CHLSN: variants seen among roughly 807,000 people sequenced by gnomAD.
The protein encoded by CHLSN is cholesin.
the CHLSN span, among the ~76,000 whole-genome samples, chr7:1,020,115 A>G: frequency 6.6e-6 from 1 of 152,114 alleles, no homozygotes; most frequent in African/African-American, 2.4e-5. Flanking sequence ...GCTCTGCGGG[A>G]ACACGGGCAC....
At chr7:991,662 C>T in the CHLSN span, among the ~76,000 whole-genome samples, 9 of 152,348 alleles carry the variant, frequency 5.9e-5, no homozygotes, top group South Asian at 2.1e-4. Context: ...CCACTGTCTA[C>T]GCCTCATTTC....
chr7:980,355 C>T, the CHLSN span, among the ~76,000 whole-genome samples: 1 of 152,254 alleles, frequency 6.6e-6, no homozygotes, highest in African/African-American at 2.4e-5. Context: ...CCAATCAGGT[C>T]TGATCAGAAC....
the CHLSN span, among the ~76,000 whole-genome samples, chr7:1,121,587 G>A: frequency 2.0e-5 from 3 of 152,222 alleles, no homozygotes; most frequent in Non-Finnish European, 4.4e-5. Context: ...TCTACACGCC[G>A]GTTCAAGCCA....
At chr7:1,091,471 C>T in the CHLSN span, 37 of 467,982 alleles carry the variant, frequency 7.9e-5, no homozygotes, top group South Asian at 2.4e-4. Context: ...CAGGGACGCC[C>T]GCCGGACGAG....
the CHLSN span, among the ~76,000 whole-genome samples, chr7:1,015,817 C>T: frequency 6.6e-6 from 1 of 152,210 alleles, no homozygotes; most frequent in African/African-American, 2.4e-5. Context: ...AGCTCCTCAC[C>T]CACGGTGAAG....
the CHLSN span, among the ~76,000 whole-genome samples, chr7:1,068,262 T>C: frequency 6.6e-6 from 1 of 152,102 alleles, no homozygotes; most frequent in African/African-American, 2.4e-5. Context: ...GCCACACCCC[T>C]GGCACGGAGG....
At chr7:980,763 C>A in the CHLSN span, among the ~76,000 whole-genome samples, 4 of 148,946 alleles carry the variant, frequency 2.7e-5, no homozygotes, top group Admixed American at 2.0e-4. Context: ...TCTCAGCTCA[C>A]TGCAAGCTCC....
At chr7:996,208 C>G in the CHLSN span, among the ~76,000 whole-genome samples, 10 of 152,346 alleles carry the variant, frequency 6.6e-5, no homozygotes, top group South Asian at 2.1e-3. Context: ...GCCCCAGGCC[C>G]TCCCCACAAC....
the CHLSN span, among the ~76,000 whole-genome samples, chr7:1,098,592 C>T: frequency 3.9e-5 from 6 of 152,048 alleles, no homozygotes; most frequent in African/African-American, 7.2e-5. Context: ...GGAGCTGCCA[C>T]GCTCAGTGAG....
the CHLSN span, among the ~76,000 whole-genome samples, chr7:1,112,509 G>A: frequency 2.6e-5 from 4 of 152,148 alleles, no homozygotes; most frequent in Admixed American, 1.3e-4. Context: ...GAGCCTCCTC[G>A]GACAGGAACA....
the CHLSN span, among the ~76,000 whole-genome samples, chr7:1,105,805 T>C: frequency 1.7e-3 from 256 of 152,278 alleles, 5 homozygotes; most frequent in East Asian, 0.044. Context: ...TGTTTTCATG[T>C]TTTCTGTATT....
the CHLSN span, chr7:1,093,500 C>T: frequency 1.1e-5 from 5 of 470,416 alleles, no homozygotes; most frequent in African/African-American, 4.0e-5. Context: ...CAGCAGCGCT[C>T]GGCCCGGAGC....
At chr7:1,096,812 T>C in the CHLSN span, among the ~76,000 whole-genome samples, 1 of 152,078 alleles carries the variant, frequency 6.6e-6, no homozygotes, top group African/African-American at 2.4e-5. The surrounding 1 kb of genome is among the most constrained non-coding windows in gnomAD (Gnocchi z 4.6). Flanking sequence ...CACCTCCCAC[T>C]CAGTGAGAAG....
chr7:1,136,187 T>C, the CHLSN span, among the ~76,000 whole-genome samples: 1 of 108,864 alleles, frequency 9.2e-6, no homozygotes, highest in South Asian at 2.8e-4. Context: ...TACATAATTA[T>C]AAATATATAC....
the CHLSN span, among the ~76,000 whole-genome samples, chr7:1,108,920 G>A: frequency 2.2e-5 from 3 of 137,228 alleles, no homozygotes; most frequent in South Asian, 2.2e-4. Context: ...TTTTTGAGAC[G>A]GAGTCTCGCT....
the CHLSN span, among the ~76,000 whole-genome samples, chr7:1,019,211 AC>A: frequency 0.19 from 8,370 of 43,464 alleles, 650 homozygotes; most frequent in Non-Finnish European, 0.24. Flanking sequence ...AAAAAAAAAA[AC>A]GGGGGGGGGG....
At chr7:1,094,679 A>G in the CHLSN span, among the ~76,000 whole-genome samples, 1 of 151,350 alleles carries the variant, frequency 6.6e-6, no homozygotes, top group Non-Finnish European at 1.5e-5. Flanking sequence ...TGAGCCCAGG[A>G]AACTCTCTCT....
chr7:1,017,447 T>C, the CHLSN span, among the ~76,000 whole-genome samples: 1 of 152,064 alleles, frequency 6.6e-6, no homozygotes, highest in African/African-American at 2.4e-5. Flanking sequence ...ATGGTGTGCA[T>C]GAGGCAGGCG....
the CHLSN span, among the ~76,000 whole-genome samples, chr7:1,044,344 C>T: frequency 6.6e-6 from 1 of 152,268 alleles, no homozygotes; most frequent in African/African-American, 2.4e-5. Flanking sequence ...CAGGGAATCT[C>T]GCACGAGTTC....
Sources: allele counts gnomAD v4.1 joint callset (sites outside exome capture counted in the v4.1 genomes callset), GRCh38; gene constraint gnomAD v4.1.1; non-coding constraint Gnocchi (gnomAD v3.1); transcripts MANE v1.5; gene names NCBI Gene and HGNC (gene_info 2026-07-23, HGNC 2026-07-21).